Variants in ZNF644 observed in about 807,000 individuals in gnomAD.
ZNF644 encodes zinc finger protein 644.
ZNF644 carries 20 observed loss-of-function variants against 108.0 expected under a neutral mutation model. That is an observed-to-expected ratio of 0.19 (90% CI 0.13 to 0.27). The LOEUF (loss-of-function observed/expected upper bound fraction) is 0.27. Ranked by LOEUF, ZNF644 falls within the 10% of genes least tolerant of loss-of-function variation. The pLI, the probability that ZNF644 is intolerant of heterozygous loss-of-function variation, is 1.00. For synonymous variants in ZNF644, 542 were observed against 539.1 expected (o/e 1.01, Z -0.08); for missense variants, 1,338 against 1,548.9 (o/e 0.86, Z 2.29).
At chr1:90,993,758 T>C (rs113439616) in intron 1 of ZNF644, among the ~76,000 whole-genome samples, 10 of 152,354 alleles carry the variant, frequency 6.6e-5, no homozygotes, top group African/African-American at 2.4e-4. Context: ...AATCATTTTG[T>C]AAGTAATGTC....
At chr1:91,006,194 T>C (rs1034488957) in intron 1 of ZNF644, among the ~76,000 whole-genome samples, 63 of 152,264 alleles carry the variant, frequency 4.1e-4, no homozygotes, top group African/African-American at 1.3e-3. Context: ...AAAGATGACA[T>C]AGGAAATCTG....
intron 1 of ZNF644, among the ~76,000 whole-genome samples, chr1:91,019,702 G>A (rs956284277): frequency 3.9e-5 from 6 of 151,970 alleles, no homozygotes; most frequent in African/African-American, 1.2e-4. Context: ...TCCCGAGTAG[G>A]TGGGACTATA....
chr1:91,020,833 T>G (rs566173707), intron 1 of ZNF644: 6 of 152,146 alleles, frequency 3.9e-5, no homozygotes, highest in Non-Finnish European at 8.8e-5. Flanking sequence ...GACAGGATAG[T>G]CGGCGGTGTT....
chr1:90,947,203 G>A (rs1054251062), intron 2 of ZNF644, among the ~76,000 whole-genome samples: 7 of 152,302 alleles, frequency 4.6e-5, no homozygotes, highest in African/African-American at 1.7e-4. Flanking sequence ...TGCAACCAAA[G>A]GAGAGTACTA....
chr1:90,916,673 G>T lies in ZNF644; in HGVS notation c.*125C>A. ...GTATTCAATTTGCTCTGATGTCACT[G>T]TAATTCACTTTCCCCCCATTTTCCT... On this transcript the variant is annotated 3_prime_UTR_variant, in exon 6 of 6. Coordinates refer to ENST00000337393, the MANE Select transcript of ZNF644 (RefSeq NM_201269.3). The T allele has an allele frequency of 9.9e-7, 1 of 1,007,896 alleles. No homozygotes were observed. Among genetic ancestry groups the T allele is most frequent in the Non-Finnish European group, 1.5e-6 (1 of 658,808 alleles). The allele number at this position is 1,007,896 out of a possible 1,614,324, so 62.4% of individuals were successfully genotyped here. A position where few individuals can be genotyped will look rare whatever the true frequency, so the allele number is the denominator to read the frequency against.
chr1:90,943,505 C>G (rs1345451459), intron 2 of ZNF644, among the ~76,000 whole-genome samples: 2 of 152,112 alleles, frequency 1.3e-5, no homozygotes, highest in African/African-American at 2.4e-5. Context: ...TAACTTAGAA[C>G]AAGCACTTAT....
chr1:90,989,929 T>C (rs560046783), intron 1 of ZNF644, among the ~76,000 whole-genome samples: 7 of 152,306 alleles, frequency 4.6e-5, no homozygotes, highest in Admixed American at 6.5e-5. Context: ...TCCACCAATG[T>C]ATAAACAGAT....
At position 90,938,183 on chromosome 1, in the gene ZNF644, TA is replaced by T. The variant is rs1307347963; in HGVS notation, c.3082+88del. ...ATTCTGAAACATAAAATTATGATTC[TA>T]ATAAAGACTAAATTCAAAAAAAACT... On this transcript the variant is annotated intron_variant, in intron 3 of 5. Coordinates refer to ENST00000337393, the MANE Select transcript of ZNF644 (RefSeq NM_201269.3). The surrounding 1 kb of genome is among the most constrained non-coding windows in gnomAD (Gnocchi z 4.2). 1.9e-6 allele frequency: 3 copies of T among 1,606,840 alleles called. No homozygotes were observed. Among genetic ancestry groups the T allele is most frequent in the Non-Finnish European group, 2.6e-6 (3 of 1,174,608 alleles).
At chr1:90,948,437 T>A (rs981197458) in intron 2 of ZNF644, among the ~76,000 whole-genome samples, 7 of 152,232 alleles carry the variant, frequency 4.6e-5, no homozygotes, top group Admixed American at 6.5e-5. Context: ...AACTGGTGCC[T>A]TAACAGATTG....
chr1:90,929,718 T>C (rs1650500650), intron 4 of ZNF644, among the ~76,000 whole-genome samples: 1 of 152,198 alleles, frequency 6.6e-6, no homozygotes, highest in Non-Finnish European at 1.5e-5. Context: ...TACAAACCCA[T>C]TCAGCACTTG....
chr1:90,983,130 C>A (rs1469251630), intron 1 of ZNF644, among the ~76,000 whole-genome samples: 3 of 152,134 alleles, frequency 2.0e-5, no homozygotes, highest in Admixed American at 6.5e-5. Context: ...CTTCTAAATT[C>A]TCTATTCTTT....
intron 2 of ZNF644, among the ~76,000 whole-genome samples, chr1:90,949,716 T>C (rs371163991): frequency 9.9e-5 from 15 of 152,214 alleles, no homozygotes; most frequent in East Asian, 5.8e-4. Flanking sequence ...TTAACATATA[T>C]GGGAGGATGT....
At chr1:91,001,992 A>G (rs1203327529) in intron 1 of ZNF644, among the ~76,000 whole-genome samples, 1 of 152,242 alleles carries the variant, frequency 6.6e-6, no homozygotes, top group Non-Finnish European at 1.5e-5. Flanking sequence ...GACCTCCTCA[A>G]GGAGAACTAC....
Position 90,917,000 on chromosome 1 carries a change from G to A in ZNF644, c.3792-10C>T. 1 of 1,613,932 alleles carries A rather than the reference G, an allele frequency of 6.2e-7. No individual in the cohort carries two copies. Among genetic ancestry groups the A allele is most frequent in the African/African-American group, 1.3e-5 (1 of 75,054 alleles). ...GACTAGGCCACAAAACCTACAGAAA[G>A]ATAACAATTCTCTTAACATGACCAA... On this transcript the variant is annotated splice_polypyrimidine_tract_variant and intron_variant, in intron 5 of 5. Transcript: ENST00000337393.
intron 2 of ZNF644, among the ~76,000 whole-genome samples, chr1:90,967,218 T>C (rs1375575673): frequency 6.6e-6 from 1 of 152,192 alleles, no homozygotes; most frequent in Admixed American, 6.6e-5. Flanking sequence ...ATAGGGCCTC[T>C]GTACATGTAG....
chr1:90,940,321 C>A lies in ZNF644; in HGVS notation c.1033G>T (p.Val345Leu). Residue 345 changes from valine to leucine, a missense_variant, in exon 3 of 6, where the codon GTG becomes TTG. Physicochemically the swap from Val to Leu is conservative, Grantham distance 32 (BLOSUM62 1). Coordinates refer to ENST00000337393, the MANE Select transcript of ZNF644 (RefSeq NM_201269.3). ...VDSQKYALSKVKPESTDEDLE... is the reference protein window; with the variant it reads ...VDSQKYALSKLKPESTDEDLE... ...TCTTCATCAGTTGATTCAGGCTTCA[C>A]TTTTGATAATGCATATTTCTGTGAG... The A allele has an allele frequency of 6.2e-7, 1 of 1,613,952 alleles. No homozygotes were observed. The highest frequency in any genetic ancestry group is 8.5e-7 in the Non-Finnish European group (1 of 1,179,960).
chr1:91,008,938 C>A (rs1417336650), intron 1 of ZNF644, among the ~76,000 whole-genome samples: 1 of 152,024 alleles, frequency 6.6e-6, no homozygotes, highest in East Asian at 1.9e-4. Flanking sequence ...CAGTACTGAC[C>A]ATCAGAATTA....
intron 2 of ZNF644, among the ~76,000 whole-genome samples, chr1:90,964,987 C>T (rs556528885): frequency 6.6e-6 from 1 of 152,288 alleles, no homozygotes; most frequent in Admixed American, 6.5e-5. Flanking sequence ...AACACACACA[C>T]ATACACACAA....
intron 4 of ZNF644, among the ~76,000 whole-genome samples, chr1:90,928,272 C>A (rs1389271794): frequency 6.6e-6 from 1 of 151,880 alleles, no homozygotes; most frequent in East Asian, 1.9e-4. Context: ...CCTGCCTCAG[C>A]CTCCTGAGTA....
Sources: gnomAD v4.1 joint callset for allele counts (sites outside exome capture counted in the v4.1 genomes callset) on GRCh38, gnomAD v4.1.1 for gene constraint, Gnocchi (gnomAD v3.1) non-coding constraint, MANE v1.5 for transcripts, NCBI Gene and HGNC (gene_info 2026-07-23, HGNC 2026-07-21) for gene names.